Variants in TRDMT1 observed in about 807,000 individuals in gnomAD.
TRDMT1 encodes the protein tRNA aspartic acid methyltransferase 1.
A neutral mutation model predicts 51.2 loss-of-function variants in TRDMT1; 49 were observed. The ratio of observed to expected loss-of-function variants is 0.96; its 90% CI spans 0.76 to 1.21. The LOEUF (loss-of-function observed/expected upper bound fraction) is 1.21, where lower values mean the gene tolerates loss of function less well. Among genes scored for constraint, TRDMT1 ranks in the 50% most tolerant of loss-of-function variants. The pLI is 0.00. For missense variants in TRDMT1, 534 were observed against 462.3 expected (o/e 1.16, Z -1.42); for synonymous variants, 187 against 164.6 (o/e 1.14, Z -1.04).
chr10:17,178,303 C>T (rs1159436802), intron 1 of TRDMT1, among the ~76,000 whole-genome samples: 1 of 152,102 alleles, frequency 6.6e-6, no homozygotes, highest in Non-Finnish European at 1.5e-5. Flanking sequence ...ACGTACAGAC[C>T]CATAAGGATC....
Position 17,142,219 on chromosome 10 carries a change from T to C in TRDMT1, c.*6821A>G, listed in dbSNP as rs1445592453. The C allele has an allele frequency of 2.0e-5, 3 of 152,238 alleles. No homozygotes were observed. The allele number at this position is 152,238 out of a possible 1,614,324, so 9.4% of individuals were successfully genotyped here. A position where few individuals can be genotyped will look rare whatever the true frequency, so the allele number is the denominator to read the frequency against. ...TTTTCTGGTTCTTGGTATGACAGGC[T>C]ATTTTACATCGTATCCTGAACCTTT... On this transcript the variant is annotated 3_prime_UTR_variant, in exon 11 of 11. Coordinates refer to ENST00000377799, the MANE Select transcript of TRDMT1 (RefSeq NM_004412.7).
At chr10:17,199,556 T>G (rs780744273) in intron 1 of TRDMT1, among the ~76,000 whole-genome samples, 10 of 152,146 alleles carry the variant, frequency 6.6e-5, no homozygotes, top group Non-Finnish European at 1.3e-4. Context: ...CAGCTTTGGG[T>G]GTTGACGGTG....
chr10:17,158,652 T>C (rs1444381377), intron 7 of TRDMT1, among the ~76,000 whole-genome samples: 2 of 152,296 alleles, frequency 1.3e-5, no homozygotes, highest in Middle Eastern at 3.4e-3. Flanking sequence ...TCTGTAGCAA[T>C]TAAGCATTTT....
Position 17,159,651 on chromosome 10 carries a change from T to C in TRDMT1, c.460-422A>G, listed in dbSNP as rs114986196. On this transcript the variant is annotated intron_variant, in intron 6 of 10. Transcript: ENST00000377799. Reference sequence around the variant, plus strand: ...AAGCTAAAAGGCAATAAATATGAAATAAATTTTAAGAGATCAAATATGTTG... The same window carrying C: ...AAGCTAAAAGGCAATAAATATGAAACAAATTTTAAGAGATCAAATATGTTG... Among the ~76,000 whole-genome samples the C allele has an allele frequency of 9.5e-3, 1,448 of 152,264 alleles. 17 individuals carry two copies. The highest frequency in any genetic ancestry group is 0.033 in the African/African-American group (1,388 of 41,564).
rs77450030 is a variant in TRDMT1 at position 17,144,673 on chromosome 10, C to T, written c.*4367G>A. 3.6e-3 allele frequency: 3,545 copies of T among 985,306 alleles called. 169 individuals carry two copies. In the East Asian group the frequency reaches 0.17, roughly 46 times the overall value. 61.0% of individuals were successfully genotyped at this position (985,306 alleles called of 1,614,324 possible). A position where few individuals can be genotyped will look rare whatever the true frequency, so the allele number is the denominator to read the frequency against. The stretch of plus-strand genomic sequence containing the variant: ...AAATATATTTAAAAAGAAATAAATT[C>T]ACAAGCTAAGACATGAATGGTGATG... On this transcript the variant is annotated 3_prime_UTR_variant, in exon 11 of 11. Coordinates refer to ENST00000377799, the MANE Select transcript of TRDMT1 (RefSeq NM_004412.7).
At chr10:17,174,412 T>A in intron 2 of TRDMT1, 139 bp downstream of exon 2, 2 of 571,664 alleles carry the variant, frequency 3.5e-6, no homozygotes, top group Non-Finnish European at 6.0e-6. Flanking sequence ...GGATATAAAA[T>A]GTTAATCTCC....
In TRDMT1 at chr10:17,162,158, G is replaced by A; in HGVS notation, c.323+8C>T. 6.3e-7 allele frequency: 1 copy of A among 1,599,640 alleles called. No homozygotes were observed. The highest frequency in any genetic ancestry group is 8.5e-7 in the Non-Finnish European group (1 of 1,173,690). ...AAGGTAAGCTTGTACAGGAACCTAA[G>A]TTTTTACCTTGGGAGAATATCTAGA... On this transcript the variant is annotated splice_region_variant and intron_variant, in intron 4 of 10. Coordinates refer to ENST00000377799, the MANE Select transcript of TRDMT1 (RefSeq NM_004412.7).
intron 2 of TRDMT1, among the ~76,000 whole-genome samples, chr10:17,170,897 A>T (rs1359130589): frequency 6.6e-6 from 1 of 151,982 alleles, no homozygotes; most frequent in Non-Finnish European, 1.5e-5. Flanking sequence ...TGTTCCTCAT[A>T]TATTATTTTT....
intron 3 of TRDMT1, 135 bp from the exon 4 acceptor site, chr10:17,162,372 T>C (rs1840510021): frequency 4.0e-6 from 3 of 754,278 alleles, no homozygotes; most frequent in Non-Finnish European, 6.4e-6. Context: ...AATAGGGTCA[T>C]CTTTGTTGTT....
Position 17,140,809 on chromosome 10 carries a change from CATT to C in TRDMT1, c.*8228_*8230del, listed in dbSNP as rs1424800032. On this transcript the variant is annotated 3_prime_UTR_variant, in exon 11 of 11. Coordinates refer to ENST00000377799, the MANE Select transcript of TRDMT1 (RefSeq NM_004412.7). Reference sequence around the variant, plus strand: ...GCTATTACTCTAACATAACTGCTATCATTATTTTATTCCAATCTATTTTTAGAT... The same window carrying C: ...GCTATTACTCTAACATAACTGCTATCATTTTATTCCAATCTATTTTTAGAT... Among the ~76,000 whole-genome samples the C allele has an allele frequency of 2.0e-5, 3 of 152,168 alleles. No homozygotes were observed. The highest frequency in any genetic ancestry group is 2.9e-5 in the Non-Finnish European group (2 of 68,038).
At chr10:17,149,320 C>T (rs1838396968) in intron 10 of TRDMT1, among the ~76,000 whole-genome samples, 180 bp from the exon 11 acceptor site, 1 of 152,072 alleles carries the variant, frequency 6.6e-6, no homozygotes, top group Non-Finnish European at 1.5e-5. Flanking sequence ...ATTATATTGC[C>T]TACACAGTGA....
rs1337776074 is a variant in TRDMT1, at chr10:17,142,072, T to C, written c.*6968A>G. 6.6e-6 allele frequency among the ~76,000 whole-genome samples: 1 copy of C among 152,206 alleles called. No homozygotes were observed. The highest frequency in any genetic ancestry group is 1.5e-5 in the Non-Finnish European group (1 of 68,034). On this transcript the variant is annotated 3_prime_UTR_variant, in exon 11 of 11. Coordinates refer to ENST00000377799, the MANE Select transcript of TRDMT1 (RefSeq NM_004412.7). Reference sequence around the variant, plus strand: ...TTTCTATTTTTTGTGGCAAGACAACTTGTAATTACCTGTTGAAGCATTTTT... The same window carrying C: ...TTTCTATTTTTTGTGGCAAGACAACCTGTAATTACCTGTTGAAGCATTTTT...
intron 6 of TRDMT1, among the ~76,000 whole-genome samples, chr10:17,159,975 C>T (rs941561301): frequency 6.6e-6 from 1 of 152,084 alleles, no homozygotes. Flanking sequence ...TATTTTGAAA[C>T]ATTAACATTA....
intron 1 of TRDMT1, among the ~76,000 whole-genome samples, chr10:17,197,112 T>C (rs1213020303): frequency 6.6e-6 from 1 of 152,112 alleles, no homozygotes; most frequent in Non-Finnish European, 1.5e-5. Context: ...AGTTTCCAAA[T>C]GTTTTTAATT....
chr10:17,193,159 T>C (rs1210575723), intron 1 of TRDMT1, among the ~76,000 whole-genome samples: 3 of 151,952 alleles, frequency 2.0e-5, no homozygotes, highest in Admixed American at 2.0e-4. Flanking sequence ...AGGTCAGGAG[T>C]TCGAGACCAG....
At chr10:17,163,476 G>A (rs1022228409) in intron 3 of TRDMT1, among the ~76,000 whole-genome samples, 1 of 152,096 alleles carries the variant, frequency 6.6e-6, no homozygotes, top group African/African-American at 2.4e-5. Context: ...AGAAGCAAGA[G>A]CAAACACATT....
intron 1 of TRDMT1, among the ~76,000 whole-genome samples, chr10:17,189,842 G>A (rs1354256427): frequency 6.6e-6 from 1 of 152,058 alleles, no homozygotes; most frequent in Non-Finnish European, 1.5e-5. Flanking sequence ...AAAGTCTATG[G>A]GGTCCTGTTT....
intron 1 of TRDMT1, among the ~76,000 whole-genome samples, chr10:17,190,169 C>T (rs1321474838): frequency 2.0e-5 from 3 of 152,122 alleles, no homozygotes; most frequent in South Asian, 4.1e-4. Flanking sequence ...TATAATTTTA[C>T]GCTTTTAGAC....
intron 1 of TRDMT1, among the ~76,000 whole-genome samples, chr10:17,198,714 T>C (rs7090386): frequency 0.95 from 144,283 of 152,260 alleles, 68,735 homozygotes; most frequent in Non-Finnish European, 1. Context: ...GTTTTAGAAA[T>C]GAACAAGGGT....
Sources: allele counts gnomAD v4.1 joint callset (sites outside exome capture counted in the v4.1 genomes callset), GRCh38; gene constraint gnomAD v4.1.1; transcripts MANE v1.5; gene names NCBI Gene and HGNC (gene_info 2026-07-23, HGNC 2026-07-21).